ATE1: variants seen among roughly 807,000 people sequenced by gnomAD.
ATE1 encodes arginyltransferase 1.
Under a neutral mutation model 70.5 loss-of-function variants are expected in ATE1, and 36 were observed. That is an observed-to-expected ratio of 0.51 (90% CI 0.39 to 0.67). The LOEUF is 0.67. Ranked by LOEUF, ATE1 falls within the 30% of genes least tolerant of loss-of-function variation. ATE1 has a pLI of 0.00. For missense variants in ATE1, 593 were observed against 629.5 expected, an observed-to-expected ratio of 0.94 and a Z score of 0.62; for synonymous variants, 232 against 219.3, an observed-to-expected ratio of 1.06 and a Z score of -0.51.
rs752714936 is a variant in ATE1 at position 121,910,944 on chromosome 10, G to C, written c.545C>G (p.Pro182Arg). The change falls in exon 5 of 12, where the codon CCG becomes CGG. Residue 182 changes from proline to arginine, a missense_variant. Pro to Arg is a moderately radical substitution (Grantham distance 103). This residue lies in a region of ATE1 where 467 missense variants were observed against 469.6 expected (regional missense o/e 0.99). Coordinates refer to ENST00000224652, the MANE Select transcript of ATE1 (RefSeq NM_001001976.3). ...FVGEKLGSGE[P>R]SHSVKVHTVP... ...TGTGTGAACTTTAACTGAATGTGAC[G>C]GTTCACCAGAGCCCAACTTCTCTCC... 6.2e-7 allele frequency: 1 copy of C among 1,613,746 alleles called. No homozygotes were observed. Among genetic ancestry groups the C allele is most frequent in the Non-Finnish European group, 8.5e-7 (1 of 1,179,948 alleles).
At chr10:121,766,515 C>A (rs1224758531) in intron 11 of ATE1, among the ~76,000 whole-genome samples, 1 of 152,054 alleles carries the variant, frequency 6.6e-6, no homozygotes, top group African/African-American at 2.4e-5. Flanking sequence ...CAGTGATAAA[C>A]TCCCTGGGTT....
At chr10:121,793,718 T>G (rs1188743885) in intron 10 of ATE1, among the ~76,000 whole-genome samples, 1 of 152,214 alleles carries the variant, frequency 6.6e-6, no homozygotes, top group African/African-American at 2.4e-5. Context: ...GAACTCTTTA[T>G]ATATTAAGCC....
chr10:121,861,069 T>C (rs978809722), intron 8 of ATE1, among the ~76,000 whole-genome samples: 5 of 152,180 alleles, frequency 3.3e-5, no homozygotes, highest in African/African-American at 1.2e-4. Context: ...AAACATTTTC[T>C]GAAGCATTCA....
intron 9 of ATE1, 132 bp downstream of exon 9, chr10:121,840,950 G>C (rs1406907019): frequency 7.5e-6 from 6 of 802,032 alleles, no homozygotes; most frequent in Non-Finnish European, 1.0e-5. Flanking sequence ...TTCTATGTAA[G>C]AGACTAGCAA....
At chr10:121,823,492 G>A (rs796356630) in intron 10 of ATE1, among the ~76,000 whole-genome samples, 11 of 152,292 alleles carry the variant, frequency 7.2e-5, no homozygotes, top group African/African-American at 2.4e-4. Flanking sequence ...AGGGGCAAGT[G>A]AAAAACATCT....
intron 11 of ATE1, among the ~76,000 whole-genome samples, chr10:121,781,811 A>T (rs1245869805): frequency 3.3e-5 from 5 of 152,220 alleles, no homozygotes; most frequent in Non-Finnish European, 5.9e-5. Flanking sequence ...ATTTTATATT[A>T]TCAGTGAAAG....
At chr10:121,897,025 T>A (rs1385941025) in intron 7 of ATE1, among the ~76,000 whole-genome samples, 1 of 152,044 alleles carries the variant, frequency 6.6e-6, no homozygotes, top group East Asian at 1.9e-4. Flanking sequence ...CACCTACTCA[T>A]CTTTCCAGAC....
chr10:121,816,660 C>G (rs1947556176), intron 10 of ATE1, among the ~76,000 whole-genome samples: 2 of 152,204 alleles, frequency 1.3e-5, no homozygotes, highest in South Asian at 4.1e-4. Context: ...AAACCACTGG[C>G]ACCTTGATCT....
At chr10:121,896,561 C>G (rs979323775) in intron 7 of ATE1, among the ~76,000 whole-genome samples, 1 of 151,858 alleles carries the variant, frequency 6.6e-6, no homozygotes, top group African/African-American at 2.4e-5. Context: ...GTAATCCCAG[C>G]ACTTTGGGAG....
chr10:121,857,896 T>G (rs891035907), intron 8 of ATE1, among the ~76,000 whole-genome samples: 9 of 152,222 alleles, frequency 5.9e-5, no homozygotes, highest in African/African-American at 2.2e-4. Context: ...TTTCTAGCTG[T>G]AGCCACTTGA....
chr10:121,840,513 T>C (rs1033363565), intron 9 of ATE1, among the ~76,000 whole-genome samples: 2 of 152,044 alleles, frequency 1.3e-5, no homozygotes, highest in Non-Finnish European at 2.9e-5. Flanking sequence ...GACAAGAATA[T>C]AAGTCATATA....
chr10:121,911,213 C>T lies in ATE1; in HGVS notation c.338-62G>A, dbSNP rs1305094782. On this transcript the variant is annotated intron_variant, in intron 4 of 11. Coordinates refer to ENST00000224652, the MANE Select transcript of ATE1 (RefSeq NM_001001976.3). Reference sequence around the variant, plus strand: ...GTTATTTGATACAGTTAGGTAAATACAGAAATACAATGTTCCTATTATCCA... The same window carrying T: ...GTTATTTGATACAGTTAGGTAAATATAGAAATACAATGTTCCTATTATCCA... The T allele has an allele frequency of 3.9e-6, 6 of 1,554,860 alleles. No homozygotes were observed. In the African/African-American group the frequency reaches 8.3e-5, roughly 22 times the overall value.
At chr10:121,854,715 G>A (rs1949182592) in intron 8 of ATE1, among the ~76,000 whole-genome samples, 1 of 152,180 alleles carries the variant, frequency 6.6e-6, no homozygotes, top group Non-Finnish European at 1.5e-5. Context: ...GTTAGGATGG[G>A]TCTTTGGTAA....
At chr10:121,792,575 C>G (rs192740002) in intron 10 of ATE1, among the ~76,000 whole-genome samples, 1 of 152,114 alleles carries the variant, frequency 6.6e-6, no homozygotes, top group Non-Finnish European at 1.5e-5. Flanking sequence ...TATTCAAACA[C>G]AGAATTAGGA....
intron 3 of ATE1, among the ~76,000 whole-genome samples, chr10:121,919,023 G>A (rs1951773177): frequency 6.9e-6 from 1 of 144,924 alleles, no homozygotes; most frequent in Non-Finnish European, 1.6e-5. Flanking sequence ...TCTATAAAAT[G>A]GACCAATCAG....
chr10:121,827,776 T>TATGTA (rs1217331792), intron 10 of ATE1, among the ~76,000 whole-genome samples: 4 of 152,230 alleles, frequency 2.6e-5, no homozygotes, highest in Admixed American at 6.5e-5. Context: ...AAAAAATATC[T>TATGTA]ATGTAATGTA....
rs1951012519 is a variant in ATE1, at chr10:121,902,309, T to C, written c.813+82A>G. ...ATTTAACTAGCAAACATCAACTAAT[T>C]AGAACTTCAAATAAAAATAAACGAT... is the stretch of plus-strand genomic sequence containing the variant. On this transcript the variant is annotated intron_variant, in intron 6 of 11. Coordinates refer to ENST00000224652, the MANE Select transcript of ATE1 (RefSeq NM_001001976.3). 7 of 1,238,126 alleles carry C rather than the reference T, an allele frequency of 5.7e-6. No homozygotes were observed. In the South Asian group the frequency reaches 1.0e-4, roughly 18 times the overall value. The allele number at this position is 1,238,126 out of a possible 1,614,324, so 76.7% of individuals were successfully genotyped here. A position where few individuals can be genotyped will look rare whatever the true frequency, so the allele number is the denominator to read the frequency against.
intron 11 of ATE1, among the ~76,000 whole-genome samples, chr10:121,750,978 G>A (rs984034376): frequency 5.3e-5 from 8 of 152,182 alleles, no homozygotes; most frequent in African/African-American, 1.9e-4. Flanking sequence ...TTACGAGGGA[G>A]GGGACAGGAA....
At chr10:121,750,645 C>T (rs141399398) in intron 11 of ATE1, among the ~76,000 whole-genome samples, 100 of 152,252 alleles carry the variant, frequency 6.6e-4, no homozygotes, top group Non-Finnish European at 1.3e-3. Context: ...GGGGATTTAA[C>T]TCATTTGTTA....
Sources: allele counts gnomAD v4.1 joint callset (sites outside exome capture counted in the v4.1 genomes callset), GRCh38; gene constraint gnomAD v4.1.1; regional missense constraint gnomAD v4.1.1; transcripts MANE v1.5; gene names NCBI Gene and HGNC (gene_info 2026-07-23, HGNC 2026-07-21).